The following DFFB variants were observed in gnomAD, a reference collection of about 807,000 sequenced individuals.
DFFB encodes the protein DNA fragmentation factor subunit beta.
DFFB carries 29 observed loss-of-function variants against 32.7 expected under a neutral mutation model. The observed-to-expected ratio is 0.89, with a 90% CI of 0.66 to 1.21. The LOEUF (loss-of-function observed/expected upper bound fraction) is 1.21. Among genes scored for constraint, DFFB ranks in the 50% most tolerant of loss-of-function variants. The probability of loss-of-function intolerance (pLI) is 0.00; values close to 1 mark genes in which losing one functional copy is unlikely to be tolerated. For synonymous variants in DFFB, 170 were observed against 177.1 expected (o/e 0.96, Z 0.32); for missense variants, 398 against 440.6 (o/e 0.90, Z 0.87).
At chr1:3,882,495 G>A (rs1416918082) in intron 6 of DFFB, among the ~76,000 whole-genome samples, 2 of 152,090 alleles carry the variant, frequency 1.3e-5, no homozygotes, top group East Asian at 3.8e-4. Flanking sequence ...CTCCTGGGCA[G>A]CTGGGATTAC....
At chr1:3,863,364 C>G (rs1475726041) in intron 2 of DFFB, among the ~76,000 whole-genome samples, 1 of 152,166 alleles carries the variant, frequency 6.6e-6, no homozygotes, top group Non-Finnish European at 1.5e-5. Context: ...AGGATAACAA[C>G]CAGTGTGGGC....
At chr1:3,872,431 A>T in intron 5 of DFFB, 41 bp from the exon 6 acceptor site, 9 of 1,390,670 alleles carry the variant, frequency 6.5e-6, no homozygotes, top group South Asian at 1.2e-5. Context: ...AAAAAAAGAG[A>T]CTCACTTTCT....
chr1:3,862,196 G>A (rs777070014), intron 2 of DFFB, among the ~76,000 whole-genome samples: 1 of 152,218 alleles, frequency 6.6e-6, no homozygotes, highest in Non-Finnish European at 1.5e-5. Context: ...ACTGCAAAAT[G>A]TTGTTGAAAG....
At position 3,883,664 on chromosome 1, in the gene DFFB, C is replaced by A. The variant is rs1281011219; in HGVS notation, c.940C>A (p.Leu314Ile). Residue 314 changes from leucine to isoleucine, a missense_variant, in exon 7 of 7, where the codon CTC (leucine) becomes ATC (isoleucine). Transcript: ENST00000378209. The part of the protein sequence containing the change: ...IVCHKKTTHK[L>I]NCDPSRIYKP... Reference sequence around the variant, plus strand: ...CTGCCATAAGAAAACCACCCACAAGCTCAACTGTGACCCAAGCAGAATCTA... The same window carrying A: ...CTGCCATAAGAAAACCACCCACAAGATCAACTGTGACCCAAGCAGAATCTA... 3 of 1,614,016 alleles carry A rather than the reference C, an allele frequency of 1.9e-6. No homozygotes were observed. Among genetic ancestry groups the A allele is most frequent in the African/African-American group, 1.3e-5 (1 of 74,894 alleles).
At chr1:3,863,556 C>A (rs189549305) in intron 2 of DFFB, among the ~76,000 whole-genome samples, 6 of 152,302 alleles carry the variant, frequency 3.9e-5, no homozygotes, top group African/African-American at 1.4e-4. Context: ...AAAACTCGTC[C>A]GTGAGCGTTT....
At chr1:3,880,887 C>T in intron 6 of DFFB, among the ~76,000 whole-genome samples, 1 of 152,202 alleles carries the variant, frequency 6.6e-6, no homozygotes, top group Non-Finnish European at 1.5e-5. Context: ...TTCCCTGTGA[C>T]TTGGAAGCAA....
chr1:3,868,005 C>T lies in DFFB; in HGVS notation c.462C>T (p.Gly154=), dbSNP rs752761449. ...AGTCCCGATTTCAGAGCAAGTCTGGCTATCTGAGATACAGCTGTGAGAGCC... is the reference window on the plus strand; with the variant it reads ...AGTCCCGATTTCAGAGCAAGTCTGGTTATCTGAGATACAGCTGTGAGAGCC... ...GLESRFQSKS[G]YLRYSCESRI... Residue 154 remains glycine, a synonymous_variant, in exon 4 of 7, where the codon GGC becomes GGT. Transcript: ENST00000378209. 4.3e-6 allele frequency: 7 copies of T among 1,614,026 alleles called. No individual in the cohort carries two copies. Among genetic ancestry groups the T allele is most frequent in the African/African-American group, 4.0e-5 (3 of 74,920 alleles).
intron 6 of DFFB, among the ~76,000 whole-genome samples, chr1:3,878,733 T>C (rs1446808308): frequency 1.3e-5 from 2 of 152,228 alleles, no homozygotes; most frequent in Non-Finnish European, 2.9e-5. Context: ...CGGTATTCTT[T>C]AGTGTTCGTG....
intron 4 of DFFB, among the ~76,000 whole-genome samples, chr1:3,868,377 C>T (rs969051878): frequency 3.9e-5 from 6 of 152,060 alleles, no homozygotes; most frequent in South Asian, 2.1e-4. Flanking sequence ...GCAAGCGTCA[C>T]GGCAGACACA....
At chr1:3,870,155 T>C (rs894572283) in intron 5 of DFFB, among the ~76,000 whole-genome samples, 25 of 152,344 alleles carry the variant, frequency 1.6e-4, no homozygotes, top group African/African-American at 5.8e-4. Context: ...ACTCCCCCGC[T>C]GCCTTCCCAG....
At chr1:3,862,662 G>A (rs1644900633) in intron 2 of DFFB, among the ~76,000 whole-genome samples, 1 of 152,152 alleles carries the variant, frequency 6.6e-6, no homozygotes, top group Non-Finnish European at 1.5e-5. Flanking sequence ...AATGAAGTTG[G>A]ACTCTTAGCT....
chr1:3,871,488 T>C (rs1049570466), intron 5 of DFFB, among the ~76,000 whole-genome samples: 8 of 152,144 alleles, frequency 5.3e-5, no homozygotes, highest in South Asian at 2.1e-4. Flanking sequence ...GGTTTCACCA[T>C]ATTGGCCAGG....
rs755440154 is a variant in DFFB, at chr1:3,858,735, C to A, written c.132C>A (p.Ser44=). The change falls in exon 2 of 7, where the codon TCC becomes TCA. Residue 44 remains serine (S), a synonymous_variant. Coordinates refer to ENST00000378209, the MANE Select transcript of DFFB (RefSeq NM_004402.4). ...CLRFQLPERG[S]RLCLYEDGTE... Reference sequence around the variant, plus strand: ...CCCTGCAGCTCCCTGAGCGCGGTTCCCGGCTGTGCCTGTACGAGGATGGCA... The same window carrying A: ...CCCTGCAGCTCCCTGAGCGCGGTTCACGGCTGTGCCTGTACGAGGATGGCA... The A allele has an allele frequency of 6.2e-7, 1 of 1,614,118 alleles. No homozygotes were observed. Among genetic ancestry groups the A allele is most frequent in the Non-Finnish European group, 8.5e-7 (1 of 1,180,036 alleles).
intron 5 of DFFB, among the ~76,000 whole-genome samples, chr1:3,871,811 C>T (rs182185870): frequency 1.2e-3 from 187 of 152,278 alleles, no homozygotes; most frequent in East Asian, 1.2e-3. Flanking sequence ...GCTCAGCTGC[C>T]GGGGAGGCCT....
At chr1:3,866,531 C>T (rs1242498932) in intron 3 of DFFB, 1 of 172,258 alleles carries the variant, frequency 5.8e-6, no homozygotes, top group African/African-American at 2.4e-5. Flanking sequence ...AGCCACCCCG[C>T]CTGGCCTATT....
intron 3 of DFFB, chr1:3,867,651 A>G (rs1441242923): frequency 1.5e-5 from 4 of 269,576 alleles, no homozygotes; most frequent in Non-Finnish European, 2.9e-5. Context: ...CCTGGAGTTC[A>G]AGATCAGCCT....
chr1:3,859,903 G>A (rs185093904), intron 2 of DFFB, among the ~76,000 whole-genome samples: 1 of 152,142 alleles, frequency 6.6e-6, no homozygotes, highest in Admixed American at 6.5e-5. Context: ...AGCAGAGCAC[G>A]TTGCTCTCTC....
At chr1:3,866,099 G>C (rs903253232) in intron 3 of DFFB, 99 bp downstream of exon 3, 2 of 1,018,274 alleles carry the variant, frequency 2.0e-6, no homozygotes, top group African/African-American at 3.2e-5. Flanking sequence ...GGGCTGGCCT[G>C]TACCCTCGTG....
chr1:3,873,853 A>T (rs1211780598), intron 6 of DFFB, among the ~76,000 whole-genome samples: 1 of 152,210 alleles, frequency 6.6e-6, no homozygotes, highest in Non-Finnish European at 1.5e-5. Context: ...AAAAATCCCA[A>T]ATCCAAAACA....
Sources: gnomAD v4.1 joint callset for allele counts (sites outside exome capture counted in the v4.1 genomes callset) on GRCh38, gnomAD v4.1.1 for gene constraint, MANE v1.5 for transcripts, NCBI Gene and HGNC (gene_info 2026-07-23, HGNC 2026-07-21) for gene names.